COL26A1: variants seen among roughly 807,000 people sequenced by gnomAD.
The protein encoded by COL26A1 is collagen type XXVI alpha 1 chain.
COL26A1 carries 41 observed loss-of-function variants against 59.3 expected under a neutral mutation model. The observed-to-expected ratio is 0.69, with a 90% CI of 0.54 to 0.90. The LOEUF (loss-of-function observed/expected upper bound fraction) is 0.90, where lower values mean the gene tolerates loss of function less well. COL26A1 is among the 40% of genes least tolerant of loss of function. COL26A1 has a pLI of 0.00. For synonymous variants in COL26A1, 266 were observed against 256.0 expected (o/e 1.04, Z -0.37); for missense variants, 612 against 602.3 (o/e 1.02, Z -0.17).
intron 3 of COL26A1, among the ~76,000 whole-genome samples, chr7:101,509,463 AAAG>A (rs1794878105): frequency 6.6e-6 from 1 of 152,014 alleles, no homozygotes; most frequent in African/African-American, 2.4e-5. Context: ...AGAAAAAAGA[AAAG>A]AAGAACAGAA....
At chr7:101,430,398 C>T (rs534612034) in intron 2 of COL26A1, among the ~76,000 whole-genome samples, 1 of 152,110 alleles carries the variant, frequency 6.6e-6, no homozygotes, top group Non-Finnish European at 1.5e-5. Flanking sequence ...AAGCGATTCT[C>T]CTGCCTCAGC....
intron 3 of COL26A1, among the ~76,000 whole-genome samples, chr7:101,501,726 C>T (rs1406708202): frequency 5.9e-5 from 9 of 152,222 alleles, no homozygotes; most frequent in African/African-American, 2.2e-4. Context: ...GGTGCTCAGA[C>T]TCTTGGAGGT....
intron 3 of COL26A1, among the ~76,000 whole-genome samples, chr7:101,506,786 T>C (rs750683602): frequency 4.6e-5 from 7 of 152,236 alleles, no homozygotes; most frequent in Non-Finnish European, 8.8e-5. Context: ...AGTGCTGTTA[T>C]TTTGCATGGA....
chr7:101,403,549 AAAAC>A (rs956526832), intron 1 of COL26A1, among the ~76,000 whole-genome samples: 3 of 150,274 alleles, frequency 2.0e-5, no homozygotes, highest in African/African-American at 7.3e-5. Context: ...ACAAAACAAA[AAAAC>A]TTTTTGTAGA....
chr7:101,549,513 C>T (rs531780714), intron 9 of COL26A1, among the ~76,000 whole-genome samples: 35 of 152,166 alleles, frequency 2.3e-4, no homozygotes, highest in Middle Eastern at 6.8e-3. Context: ...CCGGATTAGC[C>T]GGGACCACAG....
chr7:101,416,370 A>C lies in COL26A1; in HGVS notation c.159-3607A>C, dbSNP rs570146161. Among the ~76,000 whole-genome samples the C allele has an allele frequency of 3.1e-4, 45 of 143,758 alleles. 7 individuals are homozygous for C. The South Asian group carries it at 9.9e-3, about 32-fold the overall frequency. 94.3% of individuals were successfully genotyped at this position (143,758 alleles called of 152,430 possible). On this transcript the variant is annotated intron_variant, in intron 1 of 12. Transcript: ENST00000313669. ...TCATGCCACTACACTCCTGACCTCA[A>C]GTGATCCACCCACCTCGGCCTCCCA...
At chr7:101,537,563 G>A (rs111429677) in intron 4 of COL26A1, among the ~76,000 whole-genome samples, 9 of 152,314 alleles carry the variant, frequency 5.9e-5, no homozygotes, top group African/African-American at 2.2e-4. Flanking sequence ...GGGCTGAGAC[G>A]CTGGCAGGGG....
At chr7:101,489,821 TC>T (rs1794393401) in intron 3 of COL26A1, among the ~76,000 whole-genome samples, 2 of 7,284 alleles carry the variant, frequency 2.7e-4, no homozygotes, top group Admixed American at 1.5e-3. Flanking sequence ...TTTCTTTCTT[TC>T]TTTCTTTCTT....
intron 1 of COL26A1, among the ~76,000 whole-genome samples, chr7:101,396,041 T>C (rs745530213): frequency 7.2e-5 from 11 of 152,250 alleles, no homozygotes; most frequent in Non-Finnish European, 1.5e-4. Flanking sequence ...GAGGATTGCT[T>C]GAGCCCAGGA....
At chr7:101,385,232 T>A (rs1440743136) in intron 1 of COL26A1, among the ~76,000 whole-genome samples, 1 of 57,028 alleles carries the variant, frequency 1.8e-5, no homozygotes, top group Non-Finnish European at 4.3e-5. Flanking sequence ...ACACACACAC[T>A]ATATATATAT....
intron 3 of COL26A1, among the ~76,000 whole-genome samples, chr7:101,466,980 A>C (rs1444515434): frequency 6.6e-6 from 1 of 151,894 alleles, no homozygotes; most frequent in Non-Finnish European, 1.5e-5. Flanking sequence ...CCCTGGGCTG[A>C]GGTCCAGAGT....
Position 101,447,732 on chromosome 7 carries a change from G to A in COL26A1, c.330G>A (p.Val110=). 3 of 1,607,170 alleles carry A rather than the reference G, an allele frequency of 1.9e-6. No individual in the cohort carries two copies. The highest frequency in any genetic ancestry group is 3.4e-5 in the Admixed American group (2 of 59,052). ...CCTACAGAGTGTCCTACCGCACGGTGACGGTGCTGGAGTGGAGATGCTGCC... is the reference window on the plus strand; with the variant it reads ...CCTACAGAGTGTCCTACCGCACGGTAACGGTGCTGGAGTGGAGATGCTGCC... ...RPTYRVSYRT[V]TVLEWRCCPG... The change falls in exon 3 of 13, where the codon GTG becomes GTA. Residue 110 remains valine, a synonymous_variant. Transcript: ENST00000313669.
At chr7:101,432,396 G>T (rs1399999981) in intron 2 of COL26A1, among the ~76,000 whole-genome samples, 1 of 152,192 alleles carries the variant, frequency 6.6e-6, no homozygotes, top group Admixed American at 6.5e-5. Context: ...AGGTATTCTG[G>T]AAGCTGAGAT....
At chr7:101,398,099 G>A (rs1245084447) in intron 1 of COL26A1, among the ~76,000 whole-genome samples, 1 of 152,220 alleles carries the variant, frequency 6.6e-6, no homozygotes, top group Non-Finnish European at 1.5e-5. Flanking sequence ...TCATCTCTGT[G>A]TGATTCATTT....
chr7:101,489,827 TTTC>T (rs1563008130), intron 3 of COL26A1, among the ~76,000 whole-genome samples: 8 of 11,848 alleles, frequency 6.8e-4, no homozygotes, highest in South Asian at 3.4e-3. Context: ...TCTTTCTTTC[TTTC>T]TTTCTTTCTT....
At chr7:101,534,654 TAC>T (rs3073378) in intron 4 of COL26A1, among the ~76,000 whole-genome samples, 3,016 of 147,390 alleles carry the variant, frequency 0.02, 39 homozygotes, top group Middle Eastern at 0.034. Context: ...CACATACATA[TAC>T]ACACACACAC....
chr7:101,400,551 T>A (rs1480890752), intron 1 of COL26A1, among the ~76,000 whole-genome samples: 1 of 151,582 alleles, frequency 6.6e-6, no homozygotes, highest in Non-Finnish European at 1.5e-5. Context: ...TATTTTATTT[T>A]ATTTTTTGTT....
rs376964399 is a variant in COL26A1 at position 101,552,488 on chromosome 7, G to A, written c.1030-838G>A. Among the ~76,000 whole-genome samples, 53 of 152,290 alleles carry A rather than the reference G, an allele frequency of 3.5e-4. No individual in the cohort carries two copies. The East Asian group carries it at 3.9e-3, about 11-fold the overall frequency. ...AAAATTAGCTGGGTTGTGGTGGTGC[G>A]TGCCCATAGTCCTAGTTACTCAGGA... is the stretch of plus-strand genomic sequence containing the variant. On this transcript the variant is annotated intron_variant, in intron 10 of 12. Coordinates refer to ENST00000313669, the MANE Select transcript of COL26A1 (RefSeq NM_001278563.3).
rs1562957517 is a variant in COL26A1 at position 101,386,270 on chromosome 7, T to TG, written c.158+23080_158+23081insG. Among the ~76,000 whole-genome samples, 479 of 134,856 alleles carry TG rather than the reference T, an allele frequency of 3.6e-3. 2 individuals carry two copies. Among genetic ancestry groups the TG allele is most frequent in the African/African-American group, 0.015 (453 of 29,848 alleles). 88.5% of individuals were successfully genotyped at this position (134,856 alleles called of 152,430 possible). ...CTGTCCTAGCTTGTTTTTTTTTTTT[T>TG]TTTTTTTTTTAATTTTTTGAGACAG... On this transcript the variant is annotated intron_variant, in intron 1 of 12. Transcript: ENST00000313669.
Sources: allele counts gnomAD v4.1 joint callset (sites outside exome capture counted in the v4.1 genomes callset), GRCh38; gene constraint gnomAD v4.1.1; transcripts MANE v1.5; gene names NCBI Gene and HGNC (gene_info 2026-07-23, HGNC 2026-07-21).